TTN: variants seen among roughly 807,000 people sequenced by gnomAD.
The protein encoded by TTN is connectin.
Under a neutral mutation model 3,223.0 loss-of-function variants are expected in TTN, and 1,525 were observed. That is an observed-to-expected ratio of 0.47 (90% CI 0.45 to 0.49). The LOEUF (loss-of-function observed/expected upper bound fraction) is 0.49. TTN is among the 20% of genes least tolerant of loss of function. The pLI is 0.00. For missense variants in TTN, 40,786 were observed against 43,424.0 expected, an observed-to-expected ratio of 0.94 and a Z score of 5.40; for synonymous variants, 14,094 against 15,161.0, an observed-to-expected ratio of 0.93 and a Z score of 5.17.
intron 218 of TTN, 193 bp downstream of exon 218, chr2:178,644,355 A>G: frequency 2.1e-6 from 1 of 478,842 alleles, no homozygotes; most frequent in Non-Finnish European, 3.6e-6. Context: ...CTATACATGT[A>G]TGAAATGGAT....
chr2:178,764,899 A>T, intron 41 of TTN, 88 bp from the exon 42 acceptor site: 1 of 1,511,792 alleles, frequency 6.6e-7, no homozygotes, highest in South Asian at 1.2e-5. Context: ...GTTGCTGGCT[A>T]GTTATACATC....
chr2:178,756,506 C>T lies in TTN; in HGVS notation c.10970G>A (p.Gly3657Asp), dbSNP rs779760767. Reference sequence around the variant, plus strand: ...ATGCAGGAAAATCTTGGGCGCCTCACCCGTGGACTCTTTAGCACATTCCTT... The same window carrying T: ...ATGCAGGAAAATCTTGGGCGCCTCATCCGTGGACTCTTTAGCACATTCCTT... ...LSKECAKEST[G>D]EAPKIFLHLQ... The change falls in exon 46 of 363, where the codon GGT (glycine) becomes GAT (aspartate). Residue 3657 changes from glycine (G) to aspartate (D), a missense_variant. Physicochemically the swap from Gly to Asp is moderately conservative, Grantham distance 94 (BLOSUM62 -1). Transcript: ENST00000589042. 3 of 1,613,774 alleles carry T rather than the reference C, an allele frequency of 1.9e-6. No homozygotes were observed. Among genetic ancestry groups the T allele is most frequent in the Admixed American group, 3.3e-5 (2 of 59,990 alleles).
rs2057392944 is a variant in TTN at position 178,616,641 on chromosome 2, A to G, written c.48161-11T>C. On this transcript the variant is annotated splice_polypyrimidine_tract_variant and intron_variant, in intron 256 of 362. Coordinates refer to ENST00000589042, the MANE Select transcript of TTN (RefSeq NM_001267550.2). The stretch of plus-strand genomic sequence containing the variant: ...GTGCACTTGGGCGAGCTGAAAAAAA[A>G]TGCACTCACGAGTCACTGTTAATAG... 14 of 1,612,164 alleles carry G rather than the reference A, an allele frequency of 8.7e-6. No individual in the cohort carries two copies. Among genetic ancestry groups the G allele is most frequent in the Non-Finnish European group, 1.2e-5 (14 of 1,178,926 alleles).
rs2742355 is a variant in TTN, at chr2:178,650,710, T to G, written c.39709+41A>C. ...AGAACAAAGCTTAAATTAGAAATAG[T>G]CGCAAGTGGCAAGGTCATTAATCAC... On this transcript the variant is annotated intron_variant, in intron 209 of 362. Coordinates refer to ENST00000589042, the MANE Select transcript of TTN (RefSeq NM_001267550.2). 35,144 of 1,509,022 alleles carry G rather than the reference T, an allele frequency of 0.023. 607 individuals carry two copies. Among genetic ancestry groups the G allele is most frequent in the East Asian group, 0.09 (3,820 of 42,230 alleles). The allele number at this position is 1,509,022 out of a possible 1,614,324, so 93.5% of individuals were successfully genotyped here.
At position 178,750,858 on chromosome 2, in the gene TTN, T is replaced by C. The variant is rs781072593; in HGVS notation, c.11311+2266A>G. The C allele has an allele frequency of 3.7e-6, 6 of 1,612,998 alleles. No homozygotes were observed. In the Admixed American group the frequency reaches 8.4e-5, roughly 22 times the overall value. ...GTGATATATGTGGATGACTCTCCAA[T>C]TGTAGTATTGGCCATAATTTCTTCC... is the stretch of plus-strand genomic sequence containing the variant. On this transcript the variant is annotated intron_variant, in intron 47 of 362. Coordinates refer to ENST00000589042, the MANE Select transcript of TTN (RefSeq NM_001267550.2).
Position 178,534,664 on chromosome 2 carries a change from G to T in TTN, c.101951C>A (p.Pro33984His). 1.2e-6 allele frequency: 2 copies of T among 1,613,728 alleles called. No individual in the cohort carries two copies. Among genetic ancestry groups the T allele is most frequent in the Non-Finnish European group, 1.7e-6 (2 of 1,179,718 alleles). The change falls in exon 358 of 363, where the codon CCT becomes CAT. Residue 33984 changes from proline (P) to histidine (H), a missense_variant. Transcript: ENST00000589042. ...GACAACATCATGCTGGTGGACTTCA[G>T]GTGCATAGTATTCTGGGGCAGTGAA... Reference protein sequence around the residue: ...LLFTAPEYYAPEVHQHDVVST... With the variant: ...LLFTAPEYYAHEVHQHDVVST...
chr2:178,637,878 AGG>A (rs1209437402), intron 223 of TTN, among the ~76,000 whole-genome samples: 1 of 152,084 alleles, frequency 6.6e-6, no homozygotes. Flanking sequence ...AAACAAATCC[AGG>A]GAAGACTAAG....
In TTN at chr2:178,616,739, G is replaced by A. The variant is rs1383775947; in HGVS notation, c.48150C>T (p.Val16050=). The A allele has an allele frequency of 6.2e-7, 1 of 1,612,452 alleles. No homozygotes were observed. Among genetic ancestry groups the A allele is most frequent in the Admixed American group, 1.7e-5 (1 of 59,908 alleles). Residue 16050 remains valine, a synonymous_variant, in exon 256 of 363, where the codon GTC becomes GTT. Coordinates refer to ENST00000589042, the MANE Select transcript of TTN (RefSeq NM_001267550.2). Reference sequence around the variant, plus strand: ...TGTTTTGTTCCTTACCAATTACATTGACATCAATTTCCCCAGAAATTGTTT... The same window carrying A: ...TGTTTTGTTCCTTACCAATTACATTAACATCAATTTCCCCAGAAATTGTTT... ...RVKTISGEID[V]NVIARPSAPK...
intron 88 of TTN, among the ~76,000 whole-genome samples, chr2:178,716,406 G>A (rs140401874): frequency 6.6e-5 from 10 of 152,198 alleles, no homozygotes; most frequent in African/African-American, 2.2e-4. Flanking sequence ...GAGCAAATGG[G>A]CTGCTAAATC....
rs1297544883 is a variant in TTN at position 178,594,513 on chromosome 2, C to G, written c.57981G>C (p.Gly19327=). The part of the protein sequence containing the change: ...INYVLESRLI[G]TEKFHKVTND... ...TTGTAACTTTGTGGAACTTCTCAGT[C>G]CCAATGAGCCGACTTTCTAGGACAT... Residue 19327 remains glycine, a synonymous_variant, in exon 296 of 363, where the codon GGG becomes GGC. Coordinates refer to ENST00000589042, the MANE Select transcript of TTN (RefSeq NM_001267550.2). 6.2e-7 allele frequency: 1 copy of G among 1,613,274 alleles called. No homozygotes were observed. The highest frequency in any genetic ancestry group is 1.3e-5 in the African/African-American group (1 of 74,892).
Position 178,584,673 on chromosome 2 carries a change from T to C in TTN, c.64968A>G (p.Pro21656=), listed in dbSNP as rs376921740. The C allele has an allele frequency of 8.1e-6, 13 of 1,612,906 alleles. No individual in the cohort carries two copies. The highest frequency in any genetic ancestry group is 6.7e-5 in the African/African-American group (5 of 74,804). ...TTCTCCTTCACAAAAACATACCAAA[T>C]GGGAACTGCGCAACCATCTTTGGAG... The part of the protein sequence containing the change: ...LTSPKMVAQF[P]FGVPSEPKNA... The change falls in exon 310 of 363, where the codon CCA becomes CCG. Residue 21656 remains proline, a synonymous_variant. Transcript: ENST00000589042.
chr2:178,750,399 A>T, intron 47 of TTN: 2 of 1,612,660 alleles, frequency 1.2e-6, no homozygotes, highest in Non-Finnish European at 1.7e-6. Flanking sequence ...GAAAGAGTTA[A>T]TATTGAATAG....
chr2:178,768,829 T>G lies in TTN; in HGVS notation c.9007A>C (p.Lys3003Gln). 1 of 1,614,138 alleles carries G rather than the reference T, an allele frequency of 6.2e-7. No homozygotes were observed. The highest frequency in any genetic ancestry group is 8.5e-7 in the Non-Finnish European group (1 of 1,180,012). Residue 3003 changes from lysine to glutamine, a missense_variant, in exon 38 of 363, where the codon AAG (lysine) becomes CAG (glutamine). Transcript: ENST00000589042. ...GTTGATTTGATTTCCACACCATTCTTTAACCATTTGTAAGAGATGCCTTCA... is the reference window on the plus strand; with the variant it reads ...GTTGATTTGATTTCCACACCATTCTGTAACCATTTGTAAGAGATGCCTTCA... ...NYEGISYKWL[K>Q]NGVEIKSTDK...
At chr2:178,736,211 T>G in intron 49 of TTN, 137 bp from the exon 50 acceptor site, 1 of 764,974 alleles carries the variant, frequency 1.3e-6, no homozygotes, top group East Asian at 2.7e-5. Flanking sequence ...AGTAATGTGT[T>G]AATAAGAACA....
chr2:178,540,795 C>CA (rs1248757211), intron 350 of TTN, among the ~76,000 whole-genome samples: 1 of 150,950 alleles, frequency 6.6e-6, no homozygotes, highest in Non-Finnish European at 1.5e-5. Context: ...GACTCTGTCT[C>CA]AAAAAAACAC....
rs972272234 is a variant in TTN at position 178,550,874 on chromosome 2, T to C, written c.91564+93A>G. The stretch of plus-strand genomic sequence containing the variant: ...CCACTTAGCAACCTTGGGTAATTTG[T>C]TTCTGTTACCATTTTACAGGCCAGG... On this transcript the variant is annotated intron_variant, in intron 336 of 362. Transcript: ENST00000589042. The C allele has an allele frequency of 4.9e-6, 6 of 1,219,010 alleles. No homozygotes were observed. In the African/African-American group the frequency reaches 9.2e-5, roughly 19 times the overall value. 75.5% of individuals were successfully genotyped at this position (1,219,010 alleles called of 1,614,324 possible).
Position 178,677,626 on chromosome 2 carries a change from G to A in TTN, c.34286C>T (p.Ala11429Val), listed in dbSNP as rs367783045. ...PEVKPKVPVP[A>V]PVPEVPKKPV... The stretch of plus-strand genomic sequence containing the variant: ...TCCAAGAAGAGCTGCTATACCTGGT[G>A]CAGGTACTGGCACCTTAGGTTTAAC... The change falls in exon 146 of 363, where the codon GCA becomes GTA. Residue 11429 changes from alanine to valine, a missense_variant. By Grantham distance (64) the Ala-to-Val change is moderately conservative. Transcript: ENST00000589042. 6.2e-7 allele frequency: 1 copy of A among 1,610,124 alleles called. No individual in the cohort carries two copies. Among genetic ancestry groups the A allele is most frequent in the South Asian group, 1.1e-5 (1 of 90,554 alleles).
intron 270 of TTN, 25 bp from the exon 271 acceptor site, chr2:178,610,414 C>G: frequency 1.3e-6 from 2 of 1,599,812 alleles, no homozygotes; most frequent in Non-Finnish European, 1.7e-6. Flanking sequence ...GATAATTATT[C>G]TAGTAATCCT....
Position 178,559,457 on chromosome 2 carries a change from C to A in TTN, c.86675G>T (p.Trp28892Leu). Reference sequence around the variant, plus strand: ...GTTACAGTTGTTGGTCACAGAGACCCATGCTTTCTTGCTGGCCTCACGTTT... The same window carrying A: ...GTTACAGTTGTTGGTCACAGAGACCAATGCTTTCTTGCTGGCCTCACGTTT... ...IEKREASKKAWVSVTNNCNRL... is the reference protein window; with the variant it reads ...IEKREASKKALVSVTNNCNRL... The change falls in exon 326 of 363, where the codon TGG (tryptophan) becomes TTG (leucine). Residue 28892 changes from tryptophan to leucine, a missense_variant. Transcript: ENST00000589042. 6.2e-7 allele frequency: 1 copy of A among 1,613,744 alleles called. No homozygotes were observed.
Sources: allele counts gnomAD v4.1 joint callset (sites outside exome capture counted in the v4.1 genomes callset), GRCh38; gene constraint gnomAD v4.1.1; transcripts MANE v1.5; gene names NCBI Gene and HGNC (gene_info 2026-07-23, HGNC 2026-07-21).